ZNF790: variants seen among roughly 807,000 people sequenced by gnomAD.
ZNF790 encodes zinc finger protein 790.
Under a neutral mutation model 12.1 loss-of-function variants are expected in ZNF790, and 8 were observed. The ratio of observed to expected loss-of-function variants is 0.66; its 90% CI spans 0.39 to 1.19. The LOEUF is 1.19. Ranked by LOEUF, ZNF790 falls within the 50% of genes most tolerant of loss-of-function variation. ZNF790 has a pLI of 0.01. For synonymous variants in ZNF790, 252 were observed against 244.3 expected (o/e 1.03, Z -0.29); for missense variants, 707 against 752.2 (o/e 0.94, Z 0.70).
rs760315253 is a variant in ZNF790 at position 36,818,345 on chromosome 19, C to G, written c.*88G>C. The G allele has an allele frequency of 3.8e-6, 5 of 1,314,956 alleles. No homozygotes were observed. The highest frequency in any genetic ancestry group is 4.1e-6 in the Non-Finnish European group (4 of 981,450). The allele number at this position is 1,314,956 out of a possible 1,614,324, so 81.5% of individuals were successfully genotyped here. A position where few individuals can be genotyped will look rare whatever the true frequency, so the allele number is the denominator to read the frequency against. On this transcript the variant is annotated 3_prime_UTR_variant, in exon 5 of 5. Coordinates refer to ENST00000356725, the MANE Select transcript of ZNF790 (RefSeq NM_206894.4). ...TTAAAATGCCTTCCAATATTACTTA[C>G]ATTTGTGGTGTTCCTCAAGAGAAAA...
At chr19:36,821,226 C>T (rs1034585475) in intron 4 of ZNF790, among the ~76,000 whole-genome samples, 35 of 151,974 alleles carry the variant, frequency 2.3e-4, no homozygotes, top group Non-Finnish European at 4.3e-4. Context: ...AGCAAGTACT[C>T]TAGCAGTGAC....
intron 1 of ZNF790, among the ~76,000 whole-genome samples, chr19:36,834,267 A>AG (rs2071999156): frequency 1.3e-5 from 2 of 149,422 alleles, no homozygotes; most frequent in Non-Finnish European, 3.0e-5. Context: ...AAAAAAAAAA[A>AG]GACAGTGAGT....
upstream of ZNF790, among the ~76,000 whole-genome samples, chr19:36,839,153 C>G (rs912434805): frequency 6.6e-6 from 1 of 152,168 alleles, no homozygotes. Flanking sequence ...TACACACTTG[C>G]CAGTTTTCAT....
In ZNF790 at chr19:36,823,755, A is replaced by G; in HGVS notation, c.45T>C (p.Ser15=). The G allele has an allele frequency of 6.2e-7, 1 of 1,613,044 alleles. No individual in the cohort carries two copies. The highest frequency in any genetic ancestry group is 1.1e-5 in the South Asian group (1 of 90,870). Reference sequence around the variant, plus strand: ...GGTCCAGGCACTCCCACTCCTCCTGAGAGAAATCTACAGCCACATCCCTGA... The same window carrying G: ...GGTCCAGGCACTCCCACTCCTCCTGGGAGAAATCTACAGCCACATCCCTGA... ...MMFRDVAVDF[S]QEEWECLDLE... Residue 15 remains serine, a synonymous_variant, in exon 3 of 5, where the codon TCT becomes TCC. Coordinates refer to ENST00000356725, the MANE Select transcript of ZNF790 (RefSeq NM_206894.4).
chr19:36,850,681 G>T (rs536436813), upstream of ZNF790: 4 of 152,228 alleles, frequency 2.6e-5, no homozygotes, highest in African/African-American at 4.8e-5. Flanking sequence ...CTCCCGGAAG[G>T]CTCCGATGGG....
chr19:36,824,244 G>A (rs544188769), intron 2 of ZNF790, among the ~76,000 whole-genome samples: 1 of 151,554 alleles, frequency 6.6e-6, no homozygotes, highest in African/African-American at 2.4e-5. Context: ...TGATCCACCC[G>A]CCTCGGCCTC....
chr19:36,821,490 T>C (rs1284746363), intron 4 of ZNF790, among the ~76,000 whole-genome samples: 1 of 152,174 alleles, frequency 6.6e-6, no homozygotes, highest in African/African-American at 2.4e-5. Flanking sequence ...ACAGGATACG[T>C]GTTGAATAAT....
chr19:36,828,419 T>C lies in ZNF790; in HGVS notation c.-73-2727A>G, dbSNP rs573042589. 2.7e-5 allele frequency among the ~76,000 whole-genome samples: 4 copies of C among 149,624 alleles called. No homozygotes were observed. In the South Asian group the frequency reaches 8.4e-4, roughly 31 times the overall value. On this transcript the variant is annotated intron_variant, in intron 1 of 4. Coordinates refer to ENST00000356725, the MANE Select transcript of ZNF790 (RefSeq NM_206894.4). ...CGGAGGTTGCGGTGAGCTGAGATCG[T>C]GCCATTGCACTCCAGCCTGGGCAAC...
At chr19:36,826,505 C>T (rs1051233616) in intron 1 of ZNF790, among the ~76,000 whole-genome samples, 13 of 151,144 alleles carry the variant, frequency 8.6e-5, no homozygotes, top group South Asian at 2.1e-4. Context: ...ATCGCTTGAA[C>T]CCAGGAGTTG....
chr19:36,827,455 T>A (rs2445878), intron 1 of ZNF790, among the ~76,000 whole-genome samples: 1 of 151,654 alleles, frequency 6.6e-6, no homozygotes, highest in Admixed American at 6.6e-5. Flanking sequence ...ACACAAAAAG[T>A]TCAACCTGTT....
intron 3 of ZNF790, 140 bp downstream of exon 3, chr19:36,823,527 T>A: frequency 7.9e-7 from 1 of 1,273,562 alleles, no homozygotes; most frequent in Non-Finnish European, 1.1e-6. Flanking sequence ...TGCCCACTGA[T>A]GATAACTATT....
At chr19:36,846,330 G>A (rs548441972) in intron 1 of ZNF790, among the ~76,000 whole-genome samples, 3 of 151,994 alleles carry the variant, frequency 2.0e-5, no homozygotes, top group Admixed American at 6.5e-5. Context: ...AGGACGATGC[G>A]GGCAGATCAC....
At chr19:36,836,876 T>C (rs1311551108) in intron 1 of ZNF790, among the ~76,000 whole-genome samples, 7 of 152,142 alleles carry the variant, frequency 4.6e-5, no homozygotes, top group African/African-American at 1.4e-4. Flanking sequence ...ACCTGTGCAC[T>C]AGGGGATAAA....
At chr19:36,834,956 A>G (rs1225047515) in intron 1 of ZNF790, among the ~76,000 whole-genome samples, 1 of 152,210 alleles carries the variant, frequency 6.6e-6, no homozygotes, top group African/African-American at 2.4e-5. Context: ...TATCAAAGCA[A>G]CAACAACTTT....
intron 1 of ZNF790, among the ~76,000 whole-genome samples, chr19:36,829,114 T>A (rs1009510985): frequency 1.3e-5 from 2 of 152,098 alleles, no homozygotes; most frequent in African/African-American, 4.8e-5. Flanking sequence ...ATTTTTTTTT[T>A]AAAGCTTTAT....
At chr19:36,845,488 A>C (rs1341220560) in intron 1 of ZNF790, among the ~76,000 whole-genome samples, 1 of 152,174 alleles carries the variant, frequency 6.6e-6, no homozygotes, top group African/African-American at 2.4e-5. Flanking sequence ...TATTGACTGC[A>C]CAAAGTAATA....
chr19:36,832,946 C>A (rs1600665338), intron 1 of ZNF790, among the ~76,000 whole-genome samples: 2 of 141,104 alleles, frequency 1.4e-5, no homozygotes, highest in Non-Finnish European at 1.5e-5. Flanking sequence ...AGTTTGAGGC[C>A]AGATTAAGCA....
intron 1 of ZNF790, among the ~76,000 whole-genome samples, chr19:36,826,775 A>G (rs2071813420): frequency 1.3e-5 from 2 of 151,102 alleles, no homozygotes; most frequent in Non-Finnish European, 2.9e-5. Context: ...ACTGTAGGAA[A>G]TAAAGGTAAT....
At chr19:36,840,696 A>T (rs1455322263), upstream of ZNF790, among the ~76,000 whole-genome samples, 1 of 152,254 alleles carries the variant, frequency 6.6e-6, no homozygotes, top group Non-Finnish European at 1.5e-5. Flanking sequence ...GCCAAAGACT[A>T]ACCTCGCATA....
Sources: allele counts gnomAD v4.1 joint callset (sites outside exome capture counted in the v4.1 genomes callset), GRCh38; gene constraint gnomAD v4.1.1; transcripts MANE v1.5; gene names NCBI Gene and HGNC (gene_info 2026-07-23, HGNC 2026-07-21).